The following CNTN1 variants were observed in gnomAD, a reference collection of about 807,000 sequenced individuals.
CNTN1 encodes the protein contactin-1.
A neutral mutation model predicts 126.4 loss-of-function variants in CNTN1; 38 were observed. The ratio of observed to expected loss-of-function variants is 0.30; its 90% CI spans 0.23 to 0.39. The LOEUF (loss-of-function observed/expected upper bound fraction) is 0.39, where lower values mean the gene tolerates loss of function less well. CNTN1 is among the 10% of genes least tolerant of loss of function. The pLI is 1.00. For synonymous variants in CNTN1, 413 were observed against 422.6 expected, an observed-to-expected ratio of 0.98 and a Z score of 0.28; for missense variants, 1,009 against 1,248.4, an observed-to-expected ratio of 0.81 and a Z score of 2.89.
chr12:40,957,065 T>C (rs1946912828), intron 14 of CNTN1, among the ~76,000 whole-genome samples: 1 of 151,716 alleles, frequency 6.6e-6, no homozygotes, highest in Non-Finnish European at 1.5e-5. Flanking sequence ...AAAAAATGAG[T>C]ATTTGAGGAA....
chr12:40,718,663 T>TA (rs1370580180), intron 1 of CNTN1, among the ~76,000 whole-genome samples: 1 of 152,180 alleles, frequency 6.6e-6, no homozygotes, highest in Non-Finnish European at 1.5e-5. Flanking sequence ...TACAACTAAA[T>TA]AGAGTCCTCA....
At chr12:40,774,209 ATT>A (rs536505417) in intron 1 of CNTN1, among the ~76,000 whole-genome samples, 2 of 150,908 alleles carry the variant, frequency 1.3e-5, no homozygotes. Flanking sequence ...TGAAGACTAC[ATT>A]TTTTTTTGTA....
chr12:40,758,290 C>T (rs1323287963), intron 1 of CNTN1, among the ~76,000 whole-genome samples: 6 of 150,776 alleles, frequency 4.0e-5, no homozygotes, highest in Admixed American at 6.6e-5. Flanking sequence ...ATTTGAAGTT[C>T]AAAACAAAGT....
chr12:40,921,087 G>C (rs1281167456), intron 4 of CNTN1, among the ~76,000 whole-genome samples: 1 of 152,144 alleles, frequency 6.6e-6, no homozygotes, highest in South Asian at 2.1e-4. Flanking sequence ...GAAGAGGAAG[G>C]CTTTATTCAT....
chr12:40,890,107 G>A (rs1477323380), intron 1 of CNTN1, among the ~76,000 whole-genome samples: 4 of 152,112 alleles, frequency 2.6e-5, no homozygotes, highest in African/African-American at 9.7e-5. Context: ...TATCTCTAAG[G>A]TCATTTTTAA....
chr12:40,770,529 T>C (rs572956461), intron 1 of CNTN1, among the ~76,000 whole-genome samples: 9 of 152,284 alleles, frequency 5.9e-5, no homozygotes, highest in Non-Finnish European at 1.0e-4. Context: ...TGTGTGTATA[T>C]GTGCATGTGT....
At chr12:40,818,592 C>G (rs1941331268) in intron 1 of CNTN1, among the ~76,000 whole-genome samples, 1 of 152,120 alleles carries the variant, frequency 6.6e-6, no homozygotes, top group African/African-American at 2.4e-5. Context: ...AGGTTCTTAG[C>G]TTCTTTGCAT....
At position 40,938,557 on chromosome 12, in the gene CNTN1, T is replaced by G. The variant is rs555034375; in HGVS notation, c.1229-778T>G. Among the ~76,000 whole-genome samples the G allele has an allele frequency of 2.0e-5, 3 of 152,300 alleles. No homozygotes were observed. The South Asian group carries it at 6.2e-4, about 32-fold the overall frequency. On this transcript the variant is annotated intron_variant, in intron 11 of 23. Coordinates refer to ENST00000551295, the MANE Select transcript of CNTN1 (RefSeq NM_001843.4). ...TACTACCTGTGGTACCTTTGCCAAA[T>G]TAAATAATCCTAATAGATTTCAATT...
intron 1 of CNTN1, among the ~76,000 whole-genome samples, chr12:40,834,137 A>G (rs1460887224): frequency 6.6e-6 from 1 of 152,206 alleles, no homozygotes; most frequent in African/African-American, 2.4e-5. Context: ...GAATCATACC[A>G]CACAGAAAAC....
chr12:41,052,164 G>A (rs370620950), intron 23 of CNTN1, among the ~76,000 whole-genome samples: 28 of 152,152 alleles, frequency 1.8e-4, no homozygotes, highest in East Asian at 3.9e-4. Context: ...TTTATATCCC[G>A]GATATCTGCC....
At chr12:41,053,626 C>T (rs1949737858) in intron 23 of CNTN1, among the ~76,000 whole-genome samples, 1 of 150,194 alleles carries the variant, frequency 6.7e-6, no homozygotes, top group Non-Finnish European at 1.5e-5. Context: ...ATTCTTTTTG[C>T]TTTTGCTCCT....
chr12:40,805,944 G>C (rs1940837876), intron 1 of CNTN1, among the ~76,000 whole-genome samples: 1 of 152,100 alleles, frequency 6.6e-6, no homozygotes, highest in Non-Finnish European at 1.5e-5. Flanking sequence ...CTGGGTTGCT[G>C]TTGCTTGTTT....
At chr12:41,066,245 A>T (rs1203525885) in intron 23 of CNTN1, among the ~76,000 whole-genome samples, 1 of 152,222 alleles carries the variant, frequency 6.6e-6, no homozygotes, top group African/African-American at 2.4e-5. Context: ...TCTGAGGAAA[A>T]GTAATCATAG....
chr12:40,956,434 G>A (rs1023090870), intron 14 of CNTN1, among the ~76,000 whole-genome samples: 2 of 152,004 alleles, frequency 1.3e-5, no homozygotes, highest in African/African-American at 4.8e-5. Flanking sequence ...AATATAGAAA[G>A]GGTACCTGCC....
At chr12:40,927,382 G>C (rs182876937) in intron 6 of CNTN1, among the ~76,000 whole-genome samples, 2 of 152,016 alleles carry the variant, frequency 1.3e-5, no homozygotes, top group East Asian at 3.9e-4. Flanking sequence ...CATCTCATCC[G>C]TAAGTCGGAG....
chr12:40,958,993 T>TTA (rs1947003211), intron 14 of CNTN1, 121 bp from the exon 15 acceptor site: 1 of 1,189,372 alleles, frequency 8.4e-7, no homozygotes, highest in African/African-American at 1.5e-5. Flanking sequence ...TTAGCATGTC[T>TTA]AAAACACATT....
rs1180064251 is a variant in CNTN1, at chr12:40,933,483, T to A, written c.726T>A (p.Ala242=). 9 of 1,609,022 alleles carry A rather than the reference T, an allele frequency of 5.6e-6. No individual in the cohort carries two copies. The highest frequency in any genetic ancestry group is 7.7e-6 in the Non-Finnish European group (9 of 1,175,704). ...TAGGAACAACAAAACCATATCCTGC[T>A]GATATTGTAGTTCAGTTCAAGGATG... ...IPERTTKPYP[A]DIVVQFKDVY... The change falls in exon 8 of 24, where the codon GCT becomes GCA. Residue 242 remains alanine, a synonymous_variant. Coordinates refer to ENST00000551295, the MANE Select transcript of CNTN1 (RefSeq NM_001843.4).
At chr12:40,998,224 A>G (rs948615259) in intron 17 of CNTN1, among the ~76,000 whole-genome samples, 14 of 152,292 alleles carry the variant, frequency 9.2e-5, no homozygotes, top group Admixed American at 4.6e-4. Flanking sequence ...GAAAGCGGTC[A>G]TTTTTTAACT....
Position 40,770,939 on chromosome 12 carries a change from G to A in CNTN1, c.-77+78347G>A, listed in dbSNP as rs576140551. On this transcript the variant is annotated intron_variant, in intron 1 of 23. Transcript: ENST00000551295. ...GCGGGTGCATTATGAAACTAATGAG[G>A]TGGAAACTCCCTTATTAGTGTTTCA... 9.2e-5 allele frequency among the ~76,000 whole-genome samples: 14 copies of A among 152,176 alleles called. 1 individual carries two copies. The highest frequency in any genetic ancestry group is 3.4e-4 in the African/African-American group (14 of 41,536).
Sources: gnomAD v4.1 joint callset for allele counts (sites outside exome capture counted in the v4.1 genomes callset) on GRCh38, gnomAD v4.1.1 for gene constraint, MANE v1.5 for transcripts, NCBI Gene and HGNC (gene_info 2026-07-23, HGNC 2026-07-21) for gene names.